Variants in MALRD1 observed in about 807,000 individuals in gnomAD.
The protein encoded by MALRD1 is MAM and LDL receptor class A domain containing 1, also known as MAM and LDL-receptor class A domain-containing protein 1.
MALRD1 carries 247 observed loss-of-function variants against 242.1 expected under a neutral mutation model. That is an observed-to-expected ratio of 1.02 (90% CI 0.92 to 1.13). The LOEUF (loss-of-function observed/expected upper bound fraction) is 1.13. Ranked by LOEUF, MALRD1 falls within the 50% of genes most tolerant of loss-of-function variation. The pLI, the probability that MALRD1 is intolerant of heterozygous loss-of-function variation, is 0.00. For missense variants in MALRD1, 2,989 were observed against 2,533.1 expected (o/e 1.18, Z -3.86); for synonymous variants, 995 against 866.6 (o/e 1.15, Z -2.60).
intron 31 of MALRD1, among the ~76,000 whole-genome samples, chr10:19,503,077 A>G (rs1838048805): frequency 6.6e-6 from 1 of 152,230 alleles, no homozygotes; most frequent in Non-Finnish European, 1.5e-5. Context: ...TAATTCTGAC[A>G]GAATACTTTA....
At chr10:19,067,401 A>T (rs944265443) in intron 2 of MALRD1, among the ~76,000 whole-genome samples, 4 of 152,162 alleles carry the variant, frequency 2.6e-5, no homozygotes, top group African/African-American at 9.6e-5. Flanking sequence ...TTTAAGATGT[A>T]TTAGGGAGCA....
At chr10:19,456,185 A>G (rs10827469) in intron 29 of MALRD1, among the ~76,000 whole-genome samples, 33,894 of 152,066 alleles carry the variant, frequency 0.22, 4,464 homozygotes, top group South Asian at 0.36. Context: ...ATACATAGCA[A>G]AACACTCACA....
At chr10:19,343,834 T>A (rs762254237) in intron 24 of MALRD1, among the ~76,000 whole-genome samples, 62 of 152,240 alleles carry the variant, frequency 4.1e-4, no homozygotes, top group Non-Finnish European at 5.9e-4. Flanking sequence ...TTTGGTGGTG[T>A]TACTATTTTA....
chr10:19,552,127 C>T (rs1350788837), intron 32 of MALRD1, among the ~76,000 whole-genome samples: 1 of 151,940 alleles, frequency 6.6e-6, no homozygotes, highest in South Asian at 2.1e-4. Flanking sequence ...GAGAGGAGTC[C>T]CTCCTTTTCA....
intron 32 of MALRD1, among the ~76,000 whole-genome samples, chr10:19,565,734 A>T (rs1022669747): frequency 1.3e-5 from 2 of 152,180 alleles, no homozygotes; most frequent in Non-Finnish European, 2.9e-5. Flanking sequence ...TTCCCTTCTG[A>T]TTGAATCTTA....
chr10:19,121,385 T>C (rs1837059117), intron 5 of MALRD1, among the ~76,000 whole-genome samples: 1 of 152,158 alleles, frequency 6.6e-6, no homozygotes, highest in African/African-American at 2.4e-5. Flanking sequence ...GTTAATGATA[T>C]GTTTTGTGAA....
intron 28 of MALRD1, among the ~76,000 whole-genome samples, chr10:19,435,426 G>A (rs1219039320): frequency 6.6e-6 from 1 of 152,090 alleles, no homozygotes; most frequent in Non-Finnish European, 1.5e-5. Flanking sequence ...ATTTTCTGTT[G>A]TAGTACTCAG....
In MALRD1 at chr10:19,498,532, G is replaced by A. The variant is rs2131246565; in HGVS notation, c.5206G>A (p.Gly1736Arg). 1.9e-6 allele frequency: 3 copies of A among 1,550,316 alleles called. No individual in the cohort carries two copies. The highest frequency in any genetic ancestry group is 2.7e-5 in the African/African-American group (2 of 73,128). ...AAGCTGCAATTTTGAAACAAGTTCA[G>A]GAAACTGGACCACAGCCTGCAGTCT... is the stretch of plus-strand genomic sequence containing the variant. ...TGSCNFETSS[G>R]NWTTACSLTQ... Residue 1736 changes from glycine to arginine, a missense_variant, in exon 31 of 40, where the codon GGA becomes AGA. Transcript: ENST00000454679.
At chr10:19,589,702 G>T (rs1016441328) in intron 33 of MALRD1, among the ~76,000 whole-genome samples, 6 of 152,060 alleles carry the variant, frequency 3.9e-5, no homozygotes, top group African/African-American at 1.4e-4. Context: ...TTTTTGGAAT[G>T]TTTTTATTTT....
intron 24 of MALRD1, among the ~76,000 whole-genome samples, 178 bp from the exon 25 acceptor site, chr10:19,347,593 C>T (rs904264264): frequency 4.6e-5 from 7 of 152,078 alleles, no homozygotes; most frequent in African/African-American, 7.2e-5. Flanking sequence ...ACAGAAGCCA[C>T]GGAAATAGCT....
chr10:19,076,134 C>T (rs1180781060), intron 2 of MALRD1, among the ~76,000 whole-genome samples: 1 of 151,810 alleles, frequency 6.6e-6, no homozygotes. Context: ...ATTCTTACCC[C>T]GATTTTCATT....
At chr10:19,335,022 C>T (rs1381503441) in intron 24 of MALRD1, among the ~76,000 whole-genome samples, 2 of 151,988 alleles carry the variant, frequency 1.3e-5, no homozygotes, top group East Asian at 1.9e-4. Flanking sequence ...TATTAGGGAA[C>T]GTATGCTGAT....
intron 33 of MALRD1, among the ~76,000 whole-genome samples, chr10:19,584,440 G>C (rs1484791216): frequency 6.6e-6 from 1 of 151,946 alleles, no homozygotes; most frequent in East Asian, 1.9e-4. Context: ...GTTCTCGTAG[G>C]TTTCAAAGAA....
At chr10:19,606,478 G>C (rs1187929683) in intron 34 of MALRD1, among the ~76,000 whole-genome samples, 1 of 152,104 alleles carries the variant, frequency 6.6e-6, no homozygotes, top group Non-Finnish European at 1.5e-5. Flanking sequence ...ACATATTTCT[G>C]CTGAACCCTG....
intron 18 of MALRD1, among the ~76,000 whole-genome samples, chr10:19,233,965 G>C (rs950521505): frequency 4.6e-5 from 7 of 151,706 alleles, no homozygotes; most frequent in African/African-American, 1.7e-4. Flanking sequence ...TACATGTTAT[G>C]CTTTTATGCT....
intron 18 of MALRD1, among the ~76,000 whole-genome samples, chr10:19,227,844 T>C (rs1344356037): frequency 1.3e-5 from 2 of 152,110 alleles, no homozygotes; most frequent in East Asian, 3.8e-4. Flanking sequence ...AGAGATGATA[T>C]CTAATACACA....
intron 10 of MALRD1, among the ~76,000 whole-genome samples, chr10:19,139,432 T>C (rs1833464862): frequency 2.0e-5 from 3 of 152,230 alleles, no homozygotes; most frequent in South Asian, 4.1e-4. Flanking sequence ...AATACCTTTA[T>C]ATCTTTTTTT....
At chr10:19,427,873 G>C (rs1387401623) in intron 28 of MALRD1, among the ~76,000 whole-genome samples, 2 of 152,144 alleles carry the variant, frequency 1.3e-5, no homozygotes, top group Non-Finnish European at 1.5e-5. Flanking sequence ...GAGGAACACA[G>C]AGATTTAAGA....
At chr10:19,114,704 G>A (rs925766054) in intron 5 of MALRD1, among the ~76,000 whole-genome samples, 1 of 152,088 alleles carries the variant, frequency 6.6e-6, no homozygotes, top group Non-Finnish European at 1.5e-5. Context: ...CACACCTCAG[G>A]GCTAGTATAT....
Sources: allele counts gnomAD v4.1 joint callset (sites outside exome capture counted in the v4.1 genomes callset), GRCh38; gene constraint gnomAD v4.1.1; transcripts MANE v1.5; gene names NCBI Gene and HGNC (gene_info 2026-07-23, HGNC 2026-07-21).